ITGA9: variants seen among roughly 807,000 people sequenced by gnomAD.
ITGA9 encodes integrin alpha-9.
ITGA9 carries 56 observed loss-of-function variants against 127.8 expected under a neutral mutation model. That is an observed-to-expected ratio of 0.44 (90% CI 0.35 to 0.55). ITGA9 has a LOEUF of 0.55. ITGA9 is among the 20% of genes least tolerant of loss of function. The pLI, the probability that ITGA9 is intolerant of heterozygous loss-of-function variation, is 0.00. For missense variants in ITGA9, 1,196 were observed against 1,347.1 expected, an observed-to-expected ratio of 0.89 and a Z score of 1.76; for synonymous variants, 508 against 514.5, an observed-to-expected ratio of 0.99 and a Z score of 0.17.
At chr3:37,578,933 G>A (rs914228246) in intron 15 of ITGA9, among the ~76,000 whole-genome samples, 10 of 152,080 alleles carry the variant, frequency 6.6e-5, no homozygotes, top group African/African-American at 2.4e-4. Context: ...CAAGCAGAGA[G>A]GGAGAAGAGG....
intron 13 of ITGA9, among the ~76,000 whole-genome samples, chr3:37,530,869 A>C (rs1202672919): frequency 6.6e-6 from 1 of 150,756 alleles, no homozygotes; most frequent in Non-Finnish European, 1.5e-5. Context: ...CTTCTGCCTC[A>C]GCCTCCCAAG....
chr3:37,768,988 G>A (rs1007313480), intron 23 of ITGA9, among the ~76,000 whole-genome samples: 1 of 152,008 alleles, frequency 6.6e-6, no homozygotes, highest in African/African-American at 2.4e-5. Context: ...CAGCTGATGG[G>A]GTTCGTACTG....
At chr3:37,533,196 A>G (rs1405725188) in intron 13 of ITGA9, 118 bp from the exon 14 acceptor site, 2 of 962,890 alleles carry the variant, frequency 2.1e-6, no homozygotes, top group East Asian at 2.4e-5. Flanking sequence ...GGGATATTTC[A>G]TGCTTTAATT....
intron 15 of ITGA9, among the ~76,000 whole-genome samples, chr3:37,555,073 A>C (rs1699417414): frequency 6.6e-6 from 1 of 152,188 alleles, no homozygotes; most frequent in Non-Finnish European, 1.5e-5. Flanking sequence ...CAACACTAAG[A>C]GCATCTTTTC....
rs1700107787 is a variant in ITGA9, at chr3:37,619,560, G to A, written c.1690-9627G>A. Among the ~76,000 whole-genome samples the A allele has an allele frequency of 3.9e-5, 6 of 152,224 alleles. 1 individual carries two copies. In the South Asian group the frequency reaches 1.2e-3, roughly 32 times the overall value. On this transcript the variant is annotated intron_variant, in intron 15 of 27. Transcript: ENST00000264741. ...AAGGGGGATGGGGTGTTATCCTGCT[G>A]CATCTGCCAGCTAGGGAATGGGGCA...
intron 17 of ITGA9, among the ~76,000 whole-genome samples, chr3:37,661,214 T>C (rs1271362349): frequency 6.6e-6 from 1 of 152,200 alleles, no homozygotes; most frequent in Non-Finnish European, 1.5e-5. Flanking sequence ...GCTATTTCAG[T>C]CTTTATTGCA....
intron 19 of ITGA9, among the ~76,000 whole-genome samples, chr3:37,736,109 C>T (rs1696358197): frequency 6.6e-6 from 1 of 152,176 alleles, no homozygotes; most frequent in Non-Finnish European, 1.5e-5. Context: ...TTCTCTTCTT[C>T]TGAGTGCACT....
At chr3:37,548,430 A>T (rs1699348579) in intron 15 of ITGA9, among the ~76,000 whole-genome samples, 1 of 152,198 alleles carries the variant, frequency 6.6e-6, no homozygotes, top group African/African-American at 2.4e-5. Flanking sequence ...CACACCTAAA[A>T]TTAGTGAATG....
rs541672873 is a variant in ITGA9 at position 37,476,125 on chromosome 3, G to A, written c.420+2665G>A. Among the ~76,000 whole-genome samples the A allele has an allele frequency of 5.3e-5, 8 of 152,246 alleles. No individual in the cohort carries two copies. The East Asian group carries it at 1.4e-3, about 26-fold the overall frequency. ...ACATTTAGGTTGGTTCTATCTCCTG[G>A]CTGCCGTGATGAATGCTGCTATAAA... On this transcript the variant is annotated intron_variant, in intron 3 of 27. Coordinates refer to ENST00000264741, the MANE Select transcript of ITGA9 (RefSeq NM_002207.3).
chr3:37,692,420 T>A (rs1209233664), intron 18 of ITGA9, among the ~76,000 whole-genome samples: 2 of 151,460 alleles, frequency 1.3e-5, no homozygotes, highest in African/African-American at 4.9e-5. Context: ...AGAGTGTGTG[T>A]GTGTGTGTGT....
chr3:37,679,559 C>T (rs530583737), intron 17 of ITGA9, among the ~76,000 whole-genome samples: 179 of 152,216 alleles, frequency 1.2e-3, no homozygotes, highest in African/African-American at 4.2e-3. Flanking sequence ...TCAACTTCTT[C>T]ATCTGTAAAA....
chr3:37,685,103 A>T (rs1170986308), intron 18 of ITGA9, among the ~76,000 whole-genome samples: 1 of 152,180 alleles, frequency 6.6e-6, no homozygotes, highest in Non-Finnish European at 1.5e-5. Context: ...TCTTTATGTT[A>T]AAATGGAACC....
At position 37,814,916 on chromosome 3, in the gene ITGA9, A is replaced by G. The variant is rs1327492597; in HGVS notation, c.3010-3975A>G. Among the ~76,000 whole-genome samples, 2 of 152,246 alleles carry G rather than the reference A, an allele frequency of 1.3e-5. No homozygotes were observed. The highest frequency in any genetic ancestry group is 4.1e-4 in the South Asian group (2 of 4,836). On this transcript the variant is annotated intron_variant, in intron 27 of 27. Transcript: ENST00000264741. This position sits in a 1 kb window ranked among gnomAD's most constrained non-coding sequence, Gnocchi z 4.3. ...CTTCAGACTCTAAAAAAAGGAAGAC[A>G]TACATCAGTGGTAGCTCTGATCTCC...
chr3:37,718,677 C>G (rs1701159073), intron 18 of ITGA9, among the ~76,000 whole-genome samples: 1 of 152,124 alleles, frequency 6.6e-6, no homozygotes, highest in Non-Finnish European at 1.5e-5. Flanking sequence ...TTTAACAAGC[C>G]CACCAGAGAA....
intron 26 of ITGA9, among the ~76,000 whole-genome samples, chr3:37,791,068 A>G (rs1025970812): frequency 3.3e-5 from 5 of 152,104 alleles, no homozygotes; most frequent in African/African-American, 1.2e-4. Flanking sequence ...AAAAGTTATC[A>G]GGTGAGGCTG....
At chr3:37,758,877 CT>C (rs1696689018) in intron 23 of ITGA9, among the ~76,000 whole-genome samples, 1 of 152,022 alleles carries the variant, frequency 6.6e-6, no homozygotes, top group African/African-American at 2.4e-5. Context: ...TGTAAACTGC[CT>C]GATCTTCAAA....
At chr3:37,534,658 ATTTAT>A (rs1489829633) in intron 14 of ITGA9, among the ~76,000 whole-genome samples, 2 of 152,082 alleles carry the variant, frequency 1.3e-5, no homozygotes, top group South Asian at 2.1e-4. Context: ...TATTAAACAT[ATTTAT>A]TTTATCATTT....
chr3:37,511,692 G>C (rs2125575098), intron 8 of ITGA9, among the ~76,000 whole-genome samples: 1 of 152,250 alleles, frequency 6.6e-6, no homozygotes, highest in Non-Finnish European at 1.5e-5. Context: ...ACCCTTTCCT[G>C]CTCCGTTCTC....
intron 3 of ITGA9, among the ~76,000 whole-genome samples, chr3:37,480,689 G>A (rs1698543588): frequency 6.6e-6 from 1 of 152,102 alleles, no homozygotes; most frequent in South Asian, 2.1e-4. Flanking sequence ...TGTTTCTGTG[G>A]GTAGAAACAT....
Sources: gnomAD v4.1 joint callset for allele counts (sites outside exome capture counted in the v4.1 genomes callset) on GRCh38, gnomAD v4.1.1 for gene constraint, Gnocchi (gnomAD v3.1) non-coding constraint, MANE v1.5 for transcripts, NCBI Gene and HGNC (gene_info 2026-07-23, HGNC 2026-07-21) for gene names.